The following PDE5A variants were observed in gnomAD, a reference collection of about 807,000 sequenced individuals.
PDE5A encodes the protein phosphodiesterase 5A, also known as cGMP-specific 3',5'-cyclic phosphodiesterase.
In PDE5A, 67 loss-of-function variants were observed where a neutral mutation model predicts 110.2. The ratio of observed to expected loss-of-function variants is 0.61; its 90% CI spans 0.50 to 0.75. The LOEUF (loss-of-function observed/expected upper bound fraction) is 0.75, where lower values mean the gene tolerates loss of function less well. Ranked by LOEUF, PDE5A falls within the 30% of genes least tolerant of loss-of-function variation. The probability of loss-of-function intolerance (pLI) is 0.00; values close to 1 mark genes in which losing one functional copy is unlikely to be tolerated. For missense variants in PDE5A, 862 were observed against 1,045.1 expected (o/e 0.82, Z 2.42); for synonymous variants, 328 against 351.2 (o/e 0.93, Z 0.74).
At chr4:119,598,732 T>C (rs914019230) in intron 2 of PDE5A, among the ~76,000 whole-genome samples, 3 of 152,180 alleles carry the variant, frequency 2.0e-5, no homozygotes, top group African/African-American at 7.2e-5. Flanking sequence ...TTTCCTGCTT[T>C]AGAGAAGGCA....
intron 9 of PDE5A, among the ~76,000 whole-genome samples, chr4:119,545,959 T>C (rs1727117622): frequency 6.6e-6 from 1 of 152,204 alleles, no homozygotes; most frequent in South Asian, 2.1e-4. Flanking sequence ...GTATAAAAGA[T>C]TTAATTTTTT....
At chr4:119,515,667 A>C (rs1202983875) in intron 14 of PDE5A, among the ~76,000 whole-genome samples, 1 of 152,150 alleles carries the variant, frequency 6.6e-6, no homozygotes, top group Non-Finnish European at 1.5e-5. Flanking sequence ...TTCTTGGACC[A>C]GAAGTCATAT....
intron 3 of PDE5A, among the ~76,000 whole-genome samples, chr4:119,567,944 TCTAA>T (rs61268682): frequency 0.031 from 4,681 of 152,260 alleles, 106 homozygotes; most frequent in East Asian, 0.066. Flanking sequence ...GCTATTATCC[TCTAA>T]CTGGCTATAC....
chr4:119,502,387 A>G lies in PDE5A; in HGVS notation c.2406+194T>C, dbSNP rs768802880. Reference sequence around the variant, plus strand: ...ACTGATACAATATGATGAACCCAAGAGTCTTTATTATGCCTTTTATTGGTT... The same window carrying G: ...ACTGATACAATATGATGAACCCAAGGGTCTTTATTATGCCTTTTATTGGTT... On this transcript the variant is annotated intron_variant, in intron 19 of 20. Coordinates refer to ENST00000354960, the MANE Select transcript of PDE5A (RefSeq NM_001083.4). The G allele has an allele frequency of 9.0e-6, 4 of 446,324 alleles. No homozygotes were observed. In the South Asian group the frequency reaches 1.1e-4, roughly 13 times the overall value. The allele number at this position is 446,324 out of a possible 1,614,324, so 27.6% of individuals were successfully genotyped here. A position where few individuals can be genotyped will look rare whatever the true frequency, so the allele number is the denominator to read the frequency against.
At chr4:119,557,213 G>A (rs1423195657) in intron 7 of PDE5A, among the ~76,000 whole-genome samples, 1 of 152,142 alleles carries the variant, frequency 6.6e-6, no homozygotes, top group Non-Finnish European at 1.5e-5. Context: ...CAGCAGCCTT[G>A]CCAAACCTTC....
chr4:119,505,787 G>T (rs1163800219), intron 17 of PDE5A, 68 bp downstream of exon 17: 30 of 879,720 alleles, frequency 3.4e-5, no homozygotes, highest in Admixed American at 5.4e-5. Context: ...AACTAACAGT[G>T]AGGAAAAAAT....
intron 12 of PDE5A, among the ~76,000 whole-genome samples, chr4:119,524,975 G>T (rs561823243): frequency 2.6e-5 from 4 of 151,978 alleles, no homozygotes; most frequent in Admixed American, 2.6e-4. Flanking sequence ...CACCCATATG[G>T]GTGACCCTGT....
At chr4:119,532,052 T>C (rs1386506670) in intron 11 of PDE5A, among the ~76,000 whole-genome samples, 1 of 152,186 alleles carries the variant, frequency 6.6e-6, no homozygotes, top group African/African-American at 2.4e-5. Context: ...TTCTAGTTTC[T>C]TCATCATTTT....
chr4:119,583,001 A>G (rs1163843886), intron 3 of PDE5A, among the ~76,000 whole-genome samples: 1 of 152,180 alleles, frequency 6.6e-6, no homozygotes, highest in East Asian at 1.9e-4. Flanking sequence ...GCTTAAATTC[A>G]CCAGCTGCAT....
In PDE5A at chr4:119,565,424, A is replaced by G; in HGVS notation, c.904-14T>C. On this transcript the variant is annotated splice_polypyrimidine_tract_variant and intron_variant, in intron 4 of 20. Coordinates refer to ENST00000354960, the MANE Select transcript of PDE5A (RefSeq NM_001083.4). Reference sequence around the variant, plus strand: ...AGCAGCAAAGTCCTAAAAAACAGATAATAGACAAATAAAAACGGTACATAA... The same window carrying G: ...AGCAGCAAAGTCCTAAAAAACAGATGATAGACAAATAAAAACGGTACATAA... 1.3e-6 allele frequency: 2 copies of G among 1,560,780 alleles called. No individual in the cohort carries two copies. Among genetic ancestry groups the G allele is most frequent in the South Asian group, 2.2e-5 (2 of 89,772 alleles).
At chr4:119,559,185 A>G (rs1213328148) in intron 7 of PDE5A, among the ~76,000 whole-genome samples, 2 of 152,132 alleles carry the variant, frequency 1.3e-5, no homozygotes, top group Non-Finnish European at 2.9e-5. Flanking sequence ...AGAAACAAAT[A>G]TATATATAGC....
At chr4:119,609,324 A>G (rs1729657876) in intron 1 of PDE5A, among the ~76,000 whole-genome samples, 1 of 152,258 alleles carries the variant, frequency 6.6e-6, no homozygotes, top group South Asian at 2.1e-4. Flanking sequence ...AATATCACCA[A>G]TAGAAGGCTG....
intron 1 of PDE5A, among the ~76,000 whole-genome samples, chr4:119,619,815 C>G (rs1460678470): frequency 1.3e-5 from 2 of 152,134 alleles, no homozygotes; most frequent in Non-Finnish European, 2.9e-5. Flanking sequence ...CTCCATTTTA[C>G]AGAGAGAGTA....
At chr4:119,579,639 A>G (rs1461313009) in intron 3 of PDE5A, among the ~76,000 whole-genome samples, 1 of 150,804 alleles carries the variant, frequency 6.6e-6, no homozygotes, top group African/African-American at 2.4e-5. Context: ...GAATTGAACA[A>G]TGAGAACACA....
intron 3 of PDE5A, among the ~76,000 whole-genome samples, chr4:119,570,392 T>C (rs1728099012): frequency 1.3e-5 from 2 of 152,214 alleles, no homozygotes; most frequent in South Asian, 4.1e-4. Context: ...AGAATGTCCA[T>C]TCACTTTTGC....
intron 3 of PDE5A, among the ~76,000 whole-genome samples, chr4:119,582,742 T>C (rs1161359566): frequency 2.0e-5 from 3 of 152,186 alleles, no homozygotes; most frequent in African/African-American, 4.8e-5. Context: ...TTGATTTCCT[T>C]GTGCATCTCC....
intron 18 of PDE5A, 67 bp downstream of exon 18, chr4:119,504,469 A>T: frequency 1.7e-6 from 2 of 1,185,122 alleles, no homozygotes; most frequent in East Asian, 2.4e-5. Context: ...GATACCTAGT[A>T]GTGGGATTGC....
At chr4:119,580,303 A>G (rs1728544787) in intron 3 of PDE5A, among the ~76,000 whole-genome samples, 1 of 152,168 alleles carries the variant, frequency 6.6e-6, no homozygotes, top group Admixed American at 6.5e-5. Context: ...TTGCCTGCTT[A>G]TTAGATCTTT....
intron 19 of PDE5A, 63 bp from the exon 20 acceptor site, chr4:119,501,316 TTTA>T (rs1725322421): frequency 2.0e-6 from 2 of 1,004,450 alleles, no homozygotes; most frequent in Admixed American, 1.9e-5. Flanking sequence ...TAGTTATTAC[TTTA>T]TTATTTTTTG....
Sources: allele counts gnomAD v4.1 joint callset (sites outside exome capture counted in the v4.1 genomes callset), GRCh38; gene constraint gnomAD v4.1.1; transcripts MANE v1.5; gene names NCBI Gene and HGNC (gene_info 2026-07-23, HGNC 2026-07-21).